GPC6: variants seen among roughly 807,000 people sequenced by gnomAD.
GPC6 encodes the protein glypican 6.
In GPC6, 14 loss-of-function variants were observed where a neutral mutation model predicts 55.2. The ratio of observed to expected loss-of-function variants is 0.25; its 90% CI spans 0.17 to 0.40. GPC6 has a LOEUF of 0.40. Among genes scored for constraint, GPC6 ranks in the 10% least tolerant of loss-of-function variants. GPC6 has a pLI of 1.00. For synonymous variants in GPC6, 278 were observed against 259.6 expected, an observed-to-expected ratio of 1.07 and a Z score of -0.68; for missense variants, 641 against 708.5, an observed-to-expected ratio of 0.90 and a Z score of 1.08.
intron 3 of GPC6, among the ~76,000 whole-genome samples, chr13:93,909,248 AACAC>A (rs1412216473): frequency 6.6e-6 from 1 of 152,176 alleles, no homozygotes; most frequent in Non-Finnish European, 1.5e-5. Flanking sequence ...ATCATACAAA[AACAC>A]ACTCTATTCA....
At chr13:93,408,795 T>C (rs901447295) in intron 1 of GPC6, among the ~76,000 whole-genome samples, 8 of 152,024 alleles carry the variant, frequency 5.3e-5, no homozygotes, top group African/African-American at 1.7e-4. Flanking sequence ...AGGAGGGCTG[T>C]GGTTGATTAG....
At chr13:94,198,862 C>T (rs886142926) in intron 4 of GPC6, among the ~76,000 whole-genome samples, 1 of 152,188 alleles carries the variant, frequency 6.6e-6, no homozygotes, top group Non-Finnish European at 1.5e-5. Flanking sequence ...CACCCTGAAG[C>T]TGTATTTCAT....
intron 2 of GPC6, among the ~76,000 whole-genome samples, chr13:93,591,219 T>C (rs1019871838): frequency 1.3e-5 from 2 of 150,662 alleles, no homozygotes; most frequent in Non-Finnish European, 2.9e-5. Flanking sequence ...ATCCCAGCAC[T>C]TCGGGAGGCC....
At chr13:94,154,755 T>C (rs147570635) in intron 4 of GPC6, among the ~76,000 whole-genome samples, 240 of 152,322 alleles carry the variant, frequency 1.6e-3, no homozygotes, top group African/African-American at 4.6e-3. Flanking sequence ...AACTCTGCCT[T>C]TTAAGACGTT....
chr13:93,873,799 C>G (rs904661483), intron 3 of GPC6, among the ~76,000 whole-genome samples: 1 of 151,970 alleles, frequency 6.6e-6, no homozygotes, highest in African/African-American at 2.4e-5. Context: ...ATCCCTAATT[C>G]TAGTAAGGCC....
rs115329796 is a variant in GPC6, at chr13:93,403,568, T to C, written c.161-141695T>C. ...TCAATGCTCTTTTGTAGATATTTGG[T>C]TAAATTTGTAGATATTTGGTTAAAC... is the stretch of plus-strand genomic sequence containing the variant. On this transcript the variant is annotated intron_variant, in intron 1 of 8. Coordinates refer to ENST00000377047, the MANE Select transcript of GPC6 (RefSeq NM_005708.5). 4.9e-3 allele frequency among the ~76,000 whole-genome samples: 753 copies of C among 152,332 alleles called. 4 individuals carry two copies. The highest frequency in any genetic ancestry group is 0.018 in the African/African-American group (729 of 41,576).
intron 3 of GPC6, among the ~76,000 whole-genome samples, chr13:93,947,122 G>A (rs1414298558): frequency 6.6e-6 from 1 of 152,154 alleles, no homozygotes; most frequent in Non-Finnish European, 1.5e-5. Flanking sequence ...CGAGAGGTAT[G>A]CTTTGATTGC....
At chr13:93,966,517 G>T (rs1880050162) in intron 3 of GPC6, among the ~76,000 whole-genome samples, 1 of 152,084 alleles carries the variant, frequency 6.6e-6, no homozygotes, top group South Asian at 2.1e-4. Context: ...TGGACCAAGA[G>T]CTAACAAAAG....
chr13:94,227,530 G>A (rs1286761824), intron 4 of GPC6, among the ~76,000 whole-genome samples: 1 of 152,164 alleles, frequency 6.6e-6, no homozygotes, highest in Admixed American at 6.5e-5. Context: ...GCCAGTGGGG[G>A]AGTAAGCTAA....
intron 3 of GPC6, among the ~76,000 whole-genome samples, chr13:93,991,113 A>G (rs1881285915): frequency 6.6e-6 from 1 of 152,168 alleles, no homozygotes; most frequent in African/African-American, 2.4e-5. Context: ...GAACACATAT[A>G]GTTGTGCATT....
intron 1 of GPC6, among the ~76,000 whole-genome samples, chr13:93,467,373 C>A (rs776167209): frequency 9.9e-5 from 15 of 152,070 alleles, no homozygotes; most frequent in African/African-American, 1.4e-4. Context: ...TGGTATGCAC[C>A]AGGAGGGTGG....
chr13:93,364,673 ATG>A (rs201888404), intron 1 of GPC6, among the ~76,000 whole-genome samples: 2,478 of 148,910 alleles, frequency 0.017, 58 homozygotes, highest in African/African-American at 0.055. Context: ...GCACACAAAT[ATG>A]TGTGTGTGTG....
At chr13:93,323,884 A>G (rs1367527902) in intron 1 of GPC6, among the ~76,000 whole-genome samples, 1 of 152,140 alleles carries the variant, frequency 6.6e-6, no homozygotes, top group African/African-American at 2.4e-5. Flanking sequence ...CAGTTGGGTG[A>G]TTCCGCAAAA....
At chr13:94,306,615 T>C (rs1875960891) in intron 6 of GPC6, among the ~76,000 whole-genome samples, 1 of 152,228 alleles carries the variant, frequency 6.6e-6, no homozygotes, top group South Asian at 2.1e-4. Context: ...TATGTGTCTT[T>C]AAAAAGTTGG....
At chr13:93,625,548 GA>G (rs1879164761) in intron 2 of GPC6, among the ~76,000 whole-genome samples, 1 of 152,128 alleles carries the variant, frequency 6.6e-6, no homozygotes. Context: ...GGTAGGCTTG[GA>G]GCCTTCTGCG....
intron 4 of GPC6, among the ~76,000 whole-genome samples, chr13:94,223,508 T>C (rs1566562122): frequency 6.6e-6 from 1 of 152,166 alleles, no homozygotes; most frequent in East Asian, 1.9e-4. Flanking sequence ...TTATGGAACT[T>C]GGATTTGAAA....
intron 4 of GPC6, among the ~76,000 whole-genome samples, chr13:94,253,926 A>G (rs1334443144): frequency 6.6e-6 from 1 of 152,162 alleles, no homozygotes; most frequent in Non-Finnish European, 1.5e-5. Flanking sequence ...ATTAATTTGC[A>G]CATTAGTCTC....
intron 6 of GPC6, among the ~76,000 whole-genome samples, chr13:94,379,388 T>C (rs917791709): frequency 2.0e-5 from 3 of 152,176 alleles, no homozygotes; most frequent in African/African-American, 7.2e-5. Context: ...CTCCTTCAAC[T>C]GCACAATGAA....
At chr13:93,786,352 T>C (rs1251595237) in intron 2 of GPC6, among the ~76,000 whole-genome samples, 1 of 152,226 alleles carries the variant, frequency 6.6e-6, no homozygotes, top group Non-Finnish European at 1.5e-5. Flanking sequence ...TTGTTTCTTG[T>C]ACAAAACCTC....
Sources: allele counts gnomAD v4.1 joint callset (sites outside exome capture counted in the v4.1 genomes callset), GRCh38; gene constraint gnomAD v4.1.1; transcripts MANE v1.5; gene names NCBI Gene and HGNC (gene_info 2026-07-23, HGNC 2026-07-21).